GRID1: variants seen among roughly 807,000 people sequenced by gnomAD.
GRID1 encodes glutamate receptor ionotropic, delta-1.
In GRID1, 28 loss-of-function variants were observed where a neutral mutation model predicts 98.0. The observed-to-expected ratio is 0.29, with a 90% CI of 0.21 to 0.39. The LOEUF is 0.39. GRID1 is among the 10% of genes least tolerant of loss of function. GRID1 has a pLI of 1.00. For missense variants in GRID1, 1,111 were observed against 1,340.5 expected (o/e 0.83, Z 2.67); for synonymous variants, 553 against 538.5 (o/e 1.03, Z -0.37).
chr10:85,845,898 A>G (rs912601255), intron 8 of GRID1, among the ~76,000 whole-genome samples: 4 of 152,242 alleles, frequency 2.6e-5, no homozygotes, highest in Non-Finnish European at 5.9e-5. Context: ...TATCACTGAT[A>G]TCAAGTTAAA....
At chr10:86,204,809 C>T (rs1310175711) in intron 3 of GRID1, among the ~76,000 whole-genome samples, 1 of 152,140 alleles carries the variant, frequency 6.6e-6, no homozygotes, top group African/African-American at 2.4e-5. Flanking sequence ...CACAGCACCC[C>T]CATCCCTGGC....
At chr10:86,337,146 C>T (rs958074595) in intron 2 of GRID1, among the ~76,000 whole-genome samples, 7 of 152,116 alleles carry the variant, frequency 4.6e-5, no homozygotes, top group Non-Finnish European at 7.4e-5. Flanking sequence ...CCACGGTGCC[C>T]GGCCAGCCTG....
intron 3 of GRID1, among the ~76,000 whole-genome samples, chr10:86,155,888 G>A (rs1035743168): frequency 2.6e-5 from 4 of 152,186 alleles, no homozygotes; most frequent in Admixed American, 6.5e-5. Context: ...GGATGGGAAG[G>A]CAGGGAAACC....
chr10:86,048,915 G>A (rs1276235023), intron 4 of GRID1, among the ~76,000 whole-genome samples: 1 of 152,184 alleles, frequency 6.6e-6, no homozygotes, highest in Non-Finnish European at 1.5e-5. Flanking sequence ...CTACAAAATG[G>A]AAATGGTAAT....
chr10:85,974,097 A>AC (rs1232268393), intron 4 of GRID1, among the ~76,000 whole-genome samples: 1 of 152,172 alleles, frequency 6.6e-6, no homozygotes, highest in African/African-American at 2.4e-5. Flanking sequence ...GGGTAGGTGG[A>AC]CGCCTGCTTT....
intron 13 of GRID1, among the ~76,000 whole-genome samples, chr10:85,641,256 G>A (rs1037859547): frequency 6.6e-6 from 1 of 152,190 alleles, no homozygotes. Flanking sequence ...ATGTGATGAA[G>A]TTATTATCAT....
intron 5 of GRID1, among the ~76,000 whole-genome samples, chr10:85,875,204 A>G (rs1188673036): frequency 6.6e-6 from 1 of 152,132 alleles, no homozygotes; most frequent in African/African-American, 2.4e-5. Context: ...CGTTACACAC[A>G]GTATAGAAAG....
chr10:86,102,757 G>C lies in GRID1; in HGVS notation c.726+36062C>G, dbSNP rs1037280192. 3.3e-5 allele frequency among the ~76,000 whole-genome samples: 5 copies of C among 151,964 alleles called. No homozygotes were observed. In the South Asian group the frequency reaches 8.3e-4, roughly 25 times the overall value. On this transcript the variant is annotated intron_variant, in intron 4 of 15. Coordinates refer to ENST00000327946, the MANE Select transcript of GRID1 (RefSeq NM_017551.3). The stretch of plus-strand genomic sequence containing the variant: ...CTTTTTCTGTTCAAAACCAGACTGC[G>C]AGGCCTATGGAAGGGCAGGTGATAT...
chr10:85,645,304 A>T (rs893561487), intron 13 of GRID1, among the ~76,000 whole-genome samples: 2 of 152,218 alleles, frequency 1.3e-5, no homozygotes, highest in African/African-American at 4.8e-5. Flanking sequence ...TCACATGCAC[A>T]AAAGGCCTTA....
At chr10:86,269,257 T>TG (rs1847149766) in intron 2 of GRID1, among the ~76,000 whole-genome samples, 2 of 151,906 alleles carry the variant, frequency 1.3e-5, no homozygotes, top group Non-Finnish European at 2.9e-5. Context: ...CCTGGAGGGG[T>TG]GGGGGCAGAA....
At chr10:85,849,865 T>C (rs991488314) in intron 8 of GRID1, among the ~76,000 whole-genome samples, 3 of 152,176 alleles carry the variant, frequency 2.0e-5, no homozygotes, top group Admixed American at 1.3e-4. Flanking sequence ...TTGACCAGAC[T>C]TTGTAGGGCC....
rs139552482 is a variant in GRID1, at chr10:86,192,609, C to T, written c.520+13755G>A. On this transcript the variant is annotated intron_variant, in intron 3 of 15. Coordinates refer to ENST00000327946, the MANE Select transcript of GRID1 (RefSeq NM_017551.3). This position sits in a 1 kb window ranked among gnomAD's most constrained non-coding sequence, Gnocchi z 4.8. ...AAGATGAGAACCTTCTGGAGATGAA[C>T]GGTAGTGACTGCAATATGACTGTAC... Among the ~76,000 whole-genome samples the T allele has an allele frequency of 3.9e-4, 60 of 152,076 alleles. No individual in the cohort carries two copies. Among genetic ancestry groups the T allele is most frequent in the African/African-American group, 1.4e-3 (57 of 41,488 alleles).
intron 2 of GRID1, among the ~76,000 whole-genome samples, chr10:86,259,585 A>G (rs774564160): frequency 6.6e-6 from 1 of 152,270 alleles, no homozygotes; most frequent in Non-Finnish European, 1.5e-5. Flanking sequence ...TGTAAGTTTC[A>G]AATCAGAAAT....
At chr10:85,895,237 T>C (rs1841273979) in intron 5 of GRID1, among the ~76,000 whole-genome samples, 1 of 151,800 alleles carries the variant, frequency 6.6e-6, no homozygotes, top group Non-Finnish European at 1.5e-5. Flanking sequence ...TGAACCATCC[T>C]GGTCCACATC....
chr10:85,960,429 T>C (rs1353658555), intron 4 of GRID1, among the ~76,000 whole-genome samples: 2 of 152,244 alleles, frequency 1.3e-5, no homozygotes, highest in Admixed American at 6.5e-5. Flanking sequence ...CATATCATAG[T>C]ACAGCAGGCC....
chr10:85,683,925 A>C (rs1315965884), intron 12 of GRID1, among the ~76,000 whole-genome samples: 1 of 152,224 alleles, frequency 6.6e-6, no homozygotes, highest in African/African-American at 2.4e-5. Flanking sequence ...GGAACACTAC[A>C]TTCCACAACC....
At chr10:86,120,219 C>T (rs562044232) in intron 4 of GRID1, among the ~76,000 whole-genome samples, 1 of 152,306 alleles carries the variant, frequency 6.6e-6, no homozygotes, top group Non-Finnish European at 1.5e-5. Context: ...ATACCAATTG[C>T]TCTTTCCTCT....
At chr10:85,828,739 C>A (rs1274493775) in intron 8 of GRID1, among the ~76,000 whole-genome samples, 6 of 152,044 alleles carry the variant, frequency 3.9e-5, no homozygotes, top group African/African-American at 1.2e-4. Context: ...AAACATACAA[C>A]CTCCCAAAAT....
At chr10:86,011,511 G>T (rs1461396477) in intron 4 of GRID1, among the ~76,000 whole-genome samples, 2 of 152,084 alleles carry the variant, frequency 1.3e-5, no homozygotes, top group Admixed American at 1.3e-4. Context: ...GGATTAGGAT[G>T]GCAGCTTTTA....
Sources: gnomAD v4.1 joint callset for allele counts (sites outside exome capture counted in the v4.1 genomes callset) on GRCh38, gnomAD v4.1.1 for gene constraint, Gnocchi (gnomAD v3.1) non-coding constraint, MANE v1.5 for transcripts, NCBI Gene and HGNC (gene_info 2026-07-23, HGNC 2026-07-21) for gene names.